Variants in FRY observed in about 807,000 individuals in gnomAD.
FRY encodes protein furry homolog.
FRY carries 128 observed loss-of-function variants against 348.4 expected under a neutral mutation model. The ratio of observed to expected loss-of-function variants is 0.37; its 90% CI spans 0.32 to 0.43. The LOEUF (loss-of-function observed/expected upper bound fraction) is 0.43, where lower values mean the gene tolerates loss of function less well. Among genes scored for constraint, FRY ranks in the 20% least tolerant of loss-of-function variants. FRY has a pLI of 1.00. For missense variants in FRY, 2,736 were observed against 3,695.2 expected, an observed-to-expected ratio of 0.74 and a Z score of 6.73; for synonymous variants, 1,370 against 1,374.7, an observed-to-expected ratio of 1.00 and a Z score of 0.08.
chr13:32,171,305 T>C (rs1470444439), intron 18 of FRY, 35 bp downstream of exon 18: 2 of 76,714 alleles, frequency 2.6e-5, no homozygotes, highest in African/African-American at 6.3e-4. Flanking sequence ...ATTTATATTC[T>C]TTTTTTTTTT....
At chr13:32,069,419 G>C (rs992474073) in intron 1 of FRY, among the ~76,000 whole-genome samples, 9 of 152,132 alleles carry the variant, frequency 5.9e-5, no homozygotes, top group African/African-American at 2.2e-4. Flanking sequence ...GTTGTATTTT[G>C]TCATACCCTG....
chr13:32,291,618 T>G (rs1889370637), intron 59 of FRY, among the ~76,000 whole-genome samples: 2 of 152,162 alleles, frequency 1.3e-5, no homozygotes, highest in African/African-American at 2.4e-5. Context: ...TTGGTCAGGC[T>G]GGTCTCAAAC....
At chr13:32,166,709 G>C (rs1474973634) in intron 17 of FRY, among the ~76,000 whole-genome samples, 9 of 152,098 alleles carry the variant, frequency 5.9e-5, no homozygotes, top group African/African-American at 2.2e-4. Flanking sequence ...CAGGGAGGGA[G>C]CTTTGTCCTC....
intron 41 of FRY, among the ~76,000 whole-genome samples, chr13:32,234,009 G>T (rs998503572): frequency 6.6e-6 from 1 of 151,778 alleles, no homozygotes; most frequent in South Asian, 2.1e-4. Flanking sequence ...AATGAGGTGG[G>T]TGCAGTGGCA....
chr13:32,164,727 G>A (rs1881636908), intron 17 of FRY, among the ~76,000 whole-genome samples: 2 of 152,122 alleles, frequency 1.3e-5, no homozygotes, highest in African/African-American at 2.4e-5. Context: ...TCTCTGCAGA[G>A]CCTGGCCTGC....
chr13:32,277,564 CT>C (rs1888591084), intron 57 of FRY, among the ~76,000 whole-genome samples: 1 of 152,210 alleles, frequency 6.6e-6, no homozygotes, highest in Non-Finnish European at 1.5e-5. Context: ...AAGGCCCACG[CT>C]CTTAACCACA....
chr13:32,169,951 T>G (rs1253374572), intron 17 of FRY, among the ~76,000 whole-genome samples: 1 of 152,202 alleles, frequency 6.6e-6, no homozygotes, highest in Non-Finnish European at 1.5e-5. Flanking sequence ...TATTGACATT[T>G]TGGGCCAGAA....
At chr13:32,110,051 G>A (rs1487276576) in intron 3 of FRY, among the ~76,000 whole-genome samples, 1 of 152,206 alleles carries the variant, frequency 6.6e-6, no homozygotes, top group East Asian at 1.9e-4. Context: ...GCAGCTAGGA[G>A]CTCACTGGAA....
intron 47 of FRY, among the ~76,000 whole-genome samples, chr13:32,246,474 G>A (rs967999939): frequency 6.6e-6 from 1 of 152,250 alleles, no homozygotes; most frequent in Non-Finnish European, 1.5e-5. Context: ...CATGAGTAAA[G>A]GCACAGAGGC....
At chr13:32,188,586 A>G (rs1883158396) in intron 28 of FRY, among the ~76,000 whole-genome samples, 1 of 152,142 alleles carries the variant, frequency 6.6e-6, no homozygotes, top group Non-Finnish European at 1.5e-5. Context: ...AGCAGATGTC[A>G]TTGCTCTTTA....
chr13:32,222,004 G>A (rs924136115), intron 36 of FRY, among the ~76,000 whole-genome samples: 7 of 152,146 alleles, frequency 4.6e-5, no homozygotes, highest in Non-Finnish European at 8.8e-5. Flanking sequence ...GTGATCCATG[G>A]GTGGAGGGGG....
In FRY at chr13:32,239,056, A is replaced by G. The variant is rs961588201; in HGVS notation, c.6419-196A>G. ...CACTGCATCTTAAAATCGCAGATCT[A>G]CTTTACTGTCTTCTTTGTAACTGGT... On this transcript the variant is annotated intron_variant, in intron 44 of 60. Transcript: ENST00000542859. This position sits in a 1 kb window ranked among gnomAD's most constrained non-coding sequence, Gnocchi z 4.3. Among the ~76,000 whole-genome samples the G allele has an allele frequency of 6.6e-6, 1 of 152,202 alleles. No homozygotes were observed. Among genetic ancestry groups the G allele is most frequent in the Non-Finnish European group, 1.5e-5 (1 of 68,032 alleles).
rs908381248 is a variant in FRY at position 32,149,890 on chromosome 13, T to C, written c.1479+56T>C. ...AGAGCATGTCTTCCGGAGCCATACC[T>C]TTGCTTTGCGGCTTTGGAGAATGGG... On this transcript the variant is annotated intron_variant, in intron 14 of 60. Coordinates refer to ENST00000542859, the MANE Select transcript of FRY (RefSeq NM_023037.3). The C allele has an allele frequency of 6.4e-6, 7 of 1,092,442 alleles. No homozygotes were observed. In the African/African-American group the frequency reaches 7.7e-5, roughly 12 times the overall value. The allele number at this position is 1,092,442 out of a possible 1,614,324, so 67.7% of individuals were successfully genotyped here.
At chr13:32,099,439 A>C (rs1877005093) in intron 2 of FRY, among the ~76,000 whole-genome samples, 1 of 151,938 alleles carries the variant, frequency 6.6e-6, no homozygotes, top group South Asian at 2.1e-4. Flanking sequence ...GCGTGAGTTG[A>C]GTCATTTTGG....
At chr13:32,276,699 A>G (rs1888553649) in intron 57 of FRY, 137 bp downstream of exon 57, 1 of 703,426 alleles carries the variant, frequency 1.4e-6, no homozygotes, top group Admixed American at 2.0e-5. Flanking sequence ...TTACAATTCC[A>G]ATTTAATGGT....
intron 59 of FRY, among the ~76,000 whole-genome samples, chr13:32,293,617 A>G (rs1889485124): frequency 1.3e-5 from 2 of 152,210 alleles, no homozygotes; most frequent in African/African-American, 2.4e-5. Context: ...TCCGTAGTAT[A>G]TTTTGAGACA....
At chr13:32,143,449 A>G (rs1880208559) in intron 11 of FRY, among the ~76,000 whole-genome samples, 1 of 152,234 alleles carries the variant, frequency 6.6e-6, no homozygotes, top group African/African-American at 2.4e-5. Context: ...GAGTGAAAGA[A>G]TATTAGTCAC....
intron 26 of FRY, among the ~76,000 whole-genome samples, chr13:32,185,539 C>T (rs1432025693): frequency 6.6e-6 from 1 of 152,134 alleles, no homozygotes; most frequent in Non-Finnish European, 1.5e-5. Context: ...TCTGACTCTA[C>T]CCTACCAACA....
At chr13:32,130,821 T>C (rs1037832145) in intron 7 of FRY, among the ~76,000 whole-genome samples, 1 of 151,568 alleles carries the variant, frequency 6.6e-6, no homozygotes, top group Admixed American at 6.6e-5. Context: ...TACTAGATTT[T>C]TTTTTTTTTT....
Sources: allele counts gnomAD v4.1 joint callset (sites outside exome capture counted in the v4.1 genomes callset), GRCh38; gene constraint gnomAD v4.1.1; non-coding constraint Gnocchi (gnomAD v3.1); transcripts MANE v1.5; gene names NCBI Gene and HGNC (gene_info 2026-07-23, HGNC 2026-07-21).